The following TACC1 variants were observed in gnomAD, a reference collection of about 807,000 sequenced individuals.
The protein encoded by TACC1 is transforming acidic coiled-coil-containing protein 1.
Under a neutral mutation model 84.4 loss-of-function variants are expected in TACC1, and 48 were observed. The ratio of observed to expected loss-of-function variants is 0.57; its 90% CI spans 0.45 to 0.72. The LOEUF (loss-of-function observed/expected upper bound fraction) is 0.72. TACC1 is among the 30% of genes least tolerant of loss of function. The pLI is 0.00. For synonymous variants in TACC1, 372 were observed against 376.3 expected, an observed-to-expected ratio of 0.99 and a Z score of 0.13; for missense variants, 920 against 973.0, an observed-to-expected ratio of 0.95 and a Z score of 0.72.
rs146009242 is a variant in TACC1, at chr8:38,814,259, C to T, written c.278-5263C>T. Among the ~76,000 whole-genome samples, 13 of 152,270 alleles carry T rather than the reference C, an allele frequency of 8.5e-5. No homozygotes were observed. The East Asian group carries it at 1.4e-3, about 16-fold the overall frequency. On this transcript the variant is annotated intron_variant, in intron 2 of 12. Transcript: ENST00000317827. The stretch of plus-strand genomic sequence containing the variant: ...GGGATGCAAATGGGTACTGAGTTCC[C>T]AGGCACAGTCTGATAGTTTCAGGGT...
chr8:38,782,936 T>C (rs1198308364), upstream of TACC1, among the ~76,000 whole-genome samples: 2 of 152,302 alleles, frequency 1.3e-5, no homozygotes, highest in South Asian at 2.1e-4. Context: ...TTCTTTAATA[T>C]GTTTACATCA....
upstream of TACC1, among the ~76,000 whole-genome samples, chr8:38,784,001 C>T (rs1816651257): frequency 6.6e-6 from 1 of 152,202 alleles, no homozygotes; most frequent in African/African-American, 2.4e-5. Flanking sequence ...CATCATCATG[C>T]CCTTGCCTGG....
chr8:38,737,185 C>T (rs947444433), intron 1 of TACC1, among the ~76,000 whole-genome samples: 7 of 152,198 alleles, frequency 4.6e-5, no homozygotes, highest in African/African-American at 1.7e-4. Flanking sequence ...AGTCTTGGCA[C>T]TCAATCTAAG....
Position 38,815,898 on chromosome 8 carries a change from C to T in TACC1, c.278-3624C>T, listed in dbSNP as rs911220780. ...ATCCCAGCTACTCAGGAGGCTGAGG[C>T]GGGAGGATGACTTGAGCCCAGGAGT... On this transcript the variant is annotated intron_variant, in intron 2 of 12. Transcript: ENST00000317827. Among the ~76,000 whole-genome samples, 6 of 146,146 alleles carry T rather than the reference C, an allele frequency of 4.1e-5. No homozygotes were observed. The Middle Eastern group carries it at 0.01, about 254-fold the overall frequency.
chr8:38,789,249 C>T (rs970263406), intron 2 of TACC1, among the ~76,000 whole-genome samples: 1 of 152,110 alleles, frequency 6.6e-6, no homozygotes, highest in Non-Finnish European at 1.5e-5. Context: ...TCACTCACCT[C>T]GCCCACTTCC....
intron 6 of TACC1, among the ~76,000 whole-genome samples, chr8:38,834,489 G>T (rs1175272191): frequency 6.6e-6 from 1 of 152,166 alleles, no homozygotes; most frequent in Non-Finnish European, 1.5e-5. Flanking sequence ...CATTTTAGAG[G>T]CTGCCCACTG....
rs149172702 is a variant in TACC1, at chr8:38,788,240, G to A, written c.162-464G>A. 20 of 171,520 alleles carry A rather than the reference G, an allele frequency of 1.2e-4. No homozygotes were observed. The East Asian group carries it at 3.6e-3, about 31-fold the overall frequency. 10.6% of individuals were successfully genotyped at this position (171,520 alleles called of 1,614,324 possible). A position where few individuals can be genotyped will look rare whatever the true frequency, so the allele number is the denominator to read the frequency against. On this transcript the variant is annotated intron_variant, in intron 1 of 12. Transcript: ENST00000317827. ...CTGCCGGGCTGTCATCCGCGTGATT[G>A]CGGAAGGCAGGTGACACCATTCTTA... is the stretch of plus-strand genomic sequence containing the variant.
At chr8:38,797,435 A>G (rs191997556) in intron 2 of TACC1, among the ~76,000 whole-genome samples, 38 of 152,330 alleles carry the variant, frequency 2.5e-4, no homozygotes, top group African/African-American at 9.1e-4. Context: ...TCTCTTCACT[A>G]TGCCCTTCCT....
At chr8:38,772,480 A>C (rs1391266401) in intron 3 of TACC1, among the ~76,000 whole-genome samples, 1 of 152,248 alleles carries the variant, frequency 6.6e-6, no homozygotes, top group Non-Finnish European at 1.5e-5. Context: ...ATATCCCTCC[A>C]TGGGGAGCAA....
chr8:38,812,511 T>TTCATTAGCATC (rs1262255249), intron 2 of TACC1, among the ~76,000 whole-genome samples: 2 of 152,202 alleles, frequency 1.3e-5, no homozygotes, highest in African/African-American at 4.8e-5. Context: ...ATTCCCCCAA[T>TTCATTAGCATC]ACTTCCTATT....
intron 2 of TACC1, among the ~76,000 whole-genome samples, chr8:38,813,571 C>T (rs948116811): frequency 6.6e-6 from 1 of 152,140 alleles, no homozygotes; most frequent in South Asian, 2.1e-4. Context: ...TCAGTTATGC[C>T]ACCATGGGTT....
chr8:38,752,623 G>C (rs1419306532), intron 3 of TACC1, among the ~76,000 whole-genome samples: 4 of 152,154 alleles, frequency 2.6e-5, no homozygotes, highest in Non-Finnish European at 5.9e-5. Flanking sequence ...CAGGCCATGT[G>C]TCCTCTTTGG....
At chr8:38,756,467 G>A (rs1162708081) in intron 3 of TACC1, among the ~76,000 whole-genome samples, 1 of 152,118 alleles carries the variant, frequency 6.6e-6, no homozygotes, top group Non-Finnish European at 1.5e-5. Flanking sequence ...TGGGAGGCAG[G>A]AATGGGTGAG....
chr8:38,824,016 G>A (rs1827474853), intron 3 of TACC1: 1 of 1,351,998 alleles, frequency 7.4e-7, no homozygotes, highest in Non-Finnish European at 9.8e-7. Flanking sequence ...AAATTTCTCT[G>A]TTTTCTGTTG....
intron 2 of TACC1, chr8:38,805,674 C>CTTGGTTGG (rs796102893): frequency 1.1e-3 from 169 of 152,208 alleles, no homozygotes; most frequent in African/African-American, 3.9e-3. Context: ...TGGTTGGTTG[C>CTTGGTTGG]TTGGTTGGTT....
At chr8:38,752,298 C>T (rs191181500) in intron 3 of TACC1, among the ~76,000 whole-genome samples, 7 of 152,162 alleles carry the variant, frequency 4.6e-5, no homozygotes, top group South Asian at 2.1e-4. Context: ...AGTGAGACCC[C>T]GTCTCTACTA....
chr8:38,822,148 G>A (rs745345806), intron 3 of TACC1, among the ~76,000 whole-genome samples: 1 of 151,696 alleles, frequency 6.6e-6, no homozygotes, highest in African/African-American at 2.4e-5. Context: ...AGGAGGTTGA[G>A]GCAGGAGGAT....
intron 4 of TACC1, 74 bp downstream of exon 4, chr8:38,825,442 G>A: frequency 6.4e-7 from 1 of 1,568,716 alleles, no homozygotes; most frequent in Non-Finnish European, 8.8e-7. Flanking sequence ...CCCCCTGGCG[G>A]GTGGTTCAAA....
At chr8:38,754,022 C>G (rs993729905) in intron 3 of TACC1, among the ~76,000 whole-genome samples, 6 of 150,472 alleles carry the variant, frequency 4.0e-5, no homozygotes, top group African/African-American at 1.5e-4. Flanking sequence ...GGCACGATCT[C>G]CGTTCATTGC....
Sources: gnomAD v4.1 joint callset for allele counts (sites outside exome capture counted in the v4.1 genomes callset) on GRCh38, gnomAD v4.1.1 for gene constraint, MANE v1.5 for transcripts, NCBI Gene and HGNC (gene_info 2026-07-23, HGNC 2026-07-21) for gene names.